Variants in ZBTB38 observed in about 807,000 individuals in gnomAD.
The protein encoded by ZBTB38 is zinc finger and BTB domain containing 38, also known as zinc finger and BTB domain-containing protein 38.
In ZBTB38, 20 loss-of-function variants were observed where a neutral mutation model predicts 76.8. The observed-to-expected ratio is 0.26, with a 90% CI of 0.18 to 0.38. The LOEUF is 0.38. ZBTB38 is among the 10% of genes least tolerant of loss of function. The pLI, the probability that ZBTB38 is intolerant of heterozygous loss-of-function variation, is 1.00. For synonymous variants in ZBTB38, 504 were observed against 544.2 expected (o/e 0.93, Z 1.03); for missense variants, 1,082 against 1,482.3 (o/e 0.73, Z 4.43).
At chr3:141,436,019 T>C (rs9809094) in intron 5 of ZBTB38, among the ~76,000 whole-genome samples, 2,334 of 152,308 alleles carry the variant, frequency 0.015, 50 homozygotes, top group African/African-American at 0.053. Flanking sequence ...TACATGTAAA[T>C]TAAACCTCAT....
intron 1 of ZBTB38, among the ~76,000 whole-genome samples, chr3:141,352,844 G>A (rs992552198): frequency 3.3e-5 from 5 of 151,994 alleles, no homozygotes; most frequent in Non-Finnish European, 7.4e-5. Context: ...ACAGGCCAGT[G>A]AGCCCAGATA....
At chr3:141,431,341 A>AAAAAAAAAAAATATATAT in intron 5 of ZBTB38, among the ~76,000 whole-genome samples, 3 of 103,282 alleles carry the variant, frequency 2.9e-5, no homozygotes, top group African/African-American at 1.8e-4. Context: ...AAAAAAAAAA[A>AAAAAAAAAAAATATATAT]ATATATATAT....
chr3:141,335,058 G>A lies in ZBTB38; in HGVS notation c.-739+10602G>A, dbSNP rs190495469. Among the ~76,000 whole-genome samples, 11 of 152,216 alleles carry A rather than the reference G, an allele frequency of 7.2e-5. No homozygotes were observed. In the East Asian group the frequency reaches 1.2e-3, roughly 16 times the overall value. ...TACCGCCTCTGCTGCCGACACTACC[G>A]CTTCTGCTGCCGTCACCACTGCCAG... On this transcript the variant is annotated intron_variant, in intron 1 of 7. Coordinates refer to the ZBTB38 transcript ENST00000509842.
At position 141,448,437 on chromosome 3, in the gene ZBTB38, C is replaced by T. The variant is rs2081259773; in HGVS notation, c.*2461C>T. 6.6e-6 allele frequency: 1 copy of T among 152,476 alleles called. No individual in the cohort carries two copies. Among genetic ancestry groups the T allele is most frequent in the African/African-American group, 2.4e-5 (1 of 41,402 alleles). The allele number at this position is 152,476 out of a possible 1,614,324, so 9.4% of individuals were successfully genotyped here. On this transcript the variant is annotated 3_prime_UTR_variant, in exon 6 of 6. Transcript: ENST00000321464. The stretch of plus-strand genomic sequence containing the variant: ...CAGAGCCGTTTTAAGACAGCCTTGT[C>T]ACATTTTTTTGTTAATTGTGAAAAT...
chr3:141,389,123 T>C (rs1948033121), intron 4 of ZBTB38: 1 of 152,142 alleles, frequency 6.6e-6, no homozygotes, highest in Non-Finnish European at 1.5e-5. Context: ...TGTGGAAATA[T>C]CTCTATAGGT....
Position 141,442,646 on chromosome 3 carries a change from A to G in ZBTB38, c.258A>G (p.Glu86=). ...ATCTCAAAGCTGAAGTGTTTACTGAAATACTTAATTATATCTACAGTTCCA... is the reference window on the plus strand; with the variant it reads ...ATCTCAAAGCTGAAGTGTTTACTGAGATACTTAATTATATCTACAGTTCCA... ...LDDLKAEVFT[E]ILNYIYSSTV... The change falls in exon 6 of 6, where the codon GAA becomes GAG. Residue 86 remains glutamate (E), a synonymous_variant. Transcript: ENST00000321464. This position sits in a 1 kb window ranked among gnomAD's most constrained non-coding sequence, Gnocchi z 6.4. The G allele has an allele frequency of 6.2e-7, 1 of 1,614,220 alleles. No homozygotes were observed. Among genetic ancestry groups the G allele is most frequent in the Non-Finnish European group, 8.5e-7 (1 of 1,180,030 alleles).
chr3:141,392,340 TCTG>T (rs1374030429), intron 4 of ZBTB38, among the ~76,000 whole-genome samples: 3 of 152,188 alleles, frequency 2.0e-5, no homozygotes, highest in Admixed American at 2.0e-4. Flanking sequence ...TTGTTGAGCA[TCTG>T]CTATGTGCCA....
At chr3:141,365,266 CA>C (rs1469452214), upstream of ZBTB38, among the ~76,000 whole-genome samples, 1 of 152,194 alleles carries the variant, frequency 6.6e-6, no homozygotes, top group African/African-American at 2.4e-5. Flanking sequence ...GTTGCTTAAA[CA>C]GAACACTTGA....
chr3:141,395,831 A>G (rs1378413580), intron 4 of ZBTB38, among the ~76,000 whole-genome samples: 2 of 152,358 alleles, frequency 1.3e-5, no homozygotes, highest in South Asian at 2.1e-4. Context: ...TTCCCGGTGC[A>G]TATAAAAGTT....
intron 1 of ZBTB38, among the ~76,000 whole-genome samples, chr3:141,334,890 A>T (rs1942972785): frequency 2.0e-5 from 3 of 152,240 alleles, no homozygotes; most frequent in Admixed American, 2.0e-4. Flanking sequence ...ATGGAAGGCT[A>T]ATCTTTCAGA....
chr3:141,427,469 G>T (rs1389387080), intron 5 of ZBTB38, among the ~76,000 whole-genome samples: 1 of 152,204 alleles, frequency 6.6e-6, no homozygotes, highest in East Asian at 1.9e-4. Flanking sequence ...GGGCTGGGAA[G>T]GCCCCAGGCA....
chr3:141,358,601 A>G (rs1361974356), intron 1 of ZBTB38, among the ~76,000 whole-genome samples: 1 of 152,234 alleles, frequency 6.6e-6, no homozygotes, highest in African/African-American at 2.4e-5. Flanking sequence ...GCACCCTTTT[A>G]AAGTGTATAA....
chr3:141,420,259 A>G (rs1291792863), intron 5 of ZBTB38, among the ~76,000 whole-genome samples: 1 of 152,194 alleles, frequency 6.6e-6, no homozygotes, highest in Non-Finnish European at 1.5e-5. Flanking sequence ...AGAGAAGAAC[A>G]GTTGAAAATT....
intron 3 of ZBTB38, chr3:141,383,610 C>T (rs981725323): frequency 1.3e-5 from 2 of 152,192 alleles, no homozygotes; most frequent in Non-Finnish European, 2.9e-5. Context: ...TTTGTTCATA[C>T]TTGAATTATG....
intron 1 of ZBTB38, among the ~76,000 whole-genome samples, chr3:141,327,670 G>A (rs952383294): frequency 2.6e-5 from 4 of 152,164 alleles, no homozygotes; most frequent in Admixed American, 2.0e-4. Context: ...ACTGAATAAA[G>A]CTTGGACTTT....
chr3:141,429,469 T>G (rs761607376), intron 5 of ZBTB38, among the ~76,000 whole-genome samples: 5 of 152,146 alleles, frequency 3.3e-5, no homozygotes, highest in Non-Finnish European at 5.9e-5. Flanking sequence ...TGAGCCTGGT[T>G]TGTGTTTCAA....
intron 2 of ZBTB38, among the ~76,000 whole-genome samples, chr3:141,378,609 C>T (rs933937195): frequency 3.3e-5 from 5 of 152,218 alleles, no homozygotes; most frequent in African/African-American, 1.2e-4. Context: ...ACAGGGTTCT[C>T]CCACCTTGAG....
chr3:141,393,873 G>A (rs980172264), intron 4 of ZBTB38, among the ~76,000 whole-genome samples: 1 of 152,156 alleles, frequency 6.6e-6, no homozygotes, highest in Non-Finnish European at 1.5e-5. Context: ...CTCTGGCTTC[G>A]CTCATAATGT....
At position 141,444,749 on chromosome 3, in the gene ZBTB38, A is replaced by G; in HGVS notation, c.2361A>G (p.Glu787=). Reference sequence around the variant, plus strand: ...AAACTACATCACATACCAGGGGAGAAATACCGGAGGAGTCAAACTATGTTG... The same window carrying G: ...AAACTACATCACATACCAGGGGAGAGATACCGGAGGAGTCAAACTATGTTG... ...KKKTTSHTRG[E]IPEESNYVAD... is the part of the protein sequence containing the mutation. The change falls in exon 6 of 6, where the codon GAA becomes GAG. Residue 787 remains glutamate, a synonymous_variant. Transcript: ENST00000321464. This position sits in a 1 kb window ranked among gnomAD's most constrained non-coding sequence, Gnocchi z 5.1. 2 of 1,614,176 alleles carry G rather than the reference A, an allele frequency of 1.2e-6. No individual in the cohort carries two copies. Among genetic ancestry groups the G allele is most frequent in the Non-Finnish European group, 1.7e-6 (2 of 1,180,036 alleles).
Sources: allele counts gnomAD v4.1 joint callset (sites outside exome capture counted in the v4.1 genomes callset), GRCh38; gene constraint gnomAD v4.1.1; non-coding constraint Gnocchi (gnomAD v3.1); transcripts MANE v1.5; gene names NCBI Gene and HGNC (gene_info 2026-07-23, HGNC 2026-07-21).